PTPRD: variants seen among roughly 807,000 people sequenced by gnomAD.
PTPRD encodes protein tyrosine phosphatase receptor type D.
In PTPRD, 34 loss-of-function variants were observed where a neutral mutation model predicts 214.5. The observed-to-expected ratio is 0.16, with a 90% confidence interval of 0.12 to 0.21. The LOEUF is 0.21. PTPRD is among the 10% of genes least tolerant of loss of function. PTPRD has a pLI of 1.00. For synonymous variants in PTPRD, 1,128 were observed against 845.7 expected, an observed-to-expected ratio of 1.33 and a Z score of -5.79; for missense variants, 2,545 against 2,398.7, an observed-to-expected ratio of 1.06 and a Z score of -1.27.
chr9:9,493,482 T>G (rs1333579898), intron 8 of PTPRD, among the ~76,000 whole-genome samples: 4 of 152,136 alleles, frequency 2.6e-5, no homozygotes, highest in Non-Finnish European at 4.4e-5. Context: ...CTTTCCAGTT[T>G]TATTATTTAA....
At chr9:10,594,538 T>C (rs540593346) in intron 2 of PTPRD, among the ~76,000 whole-genome samples, 17 of 152,140 alleles carry the variant, frequency 1.1e-4, no homozygotes, top group African/African-American at 3.6e-4. Flanking sequence ...AAGGCAGATA[T>C]AGAAATGCCT....
At chr9:10,517,928 C>T (rs976404575) in intron 2 of PTPRD, among the ~76,000 whole-genome samples, 2 of 152,042 alleles carry the variant, frequency 1.3e-5, no homozygotes, top group African/African-American at 2.4e-5. Flanking sequence ...TCCACTGGTT[C>T]TAAGGTAGAG....
intron 9 of PTPRD, among the ~76,000 whole-genome samples, chr9:9,356,209 A>G (rs1393697703): frequency 6.6e-6 from 1 of 151,458 alleles, no homozygotes; most frequent in Non-Finnish European, 1.5e-5. Context: ...AATGGGGACA[A>G]GACAATTTTG....
intron 4 of PTPRD, among the ~76,000 whole-genome samples, chr9:9,982,194 C>T (rs1055378933): frequency 2.0e-5 from 3 of 152,260 alleles, no homozygotes; most frequent in Non-Finnish European, 2.9e-5. Flanking sequence ...AAACCTCTGG[C>T]TTCCTAACCT....
intron 12 of PTPRD, among the ~76,000 whole-genome samples, chr9:8,665,136 T>G (rs2097145621): frequency 6.6e-6 from 1 of 152,080 alleles, no homozygotes; most frequent in Non-Finnish European, 1.5e-5. Context: ...GGAGGGAGGG[T>G]GTGGTTCTTT....
chr9:9,466,659 T>G (rs543926230), intron 8 of PTPRD, among the ~76,000 whole-genome samples: 6 of 152,208 alleles, frequency 3.9e-5, no homozygotes, highest in Non-Finnish European at 8.8e-5. Flanking sequence ...TCTGTATGGA[T>G]AGACAACTTA....
intron 4 of PTPRD, among the ~76,000 whole-genome samples, chr9:9,945,037 T>G (rs2092349652): frequency 6.6e-6 from 1 of 152,076 alleles, no homozygotes; most frequent in African/African-American, 2.4e-5. Context: ...TGTCTGAAGG[T>G]AAAAAGAATT....
At chr9:9,302,522 T>C (rs1197904836) in intron 9 of PTPRD, among the ~76,000 whole-genome samples, 2 of 151,792 alleles carry the variant, frequency 1.3e-5, no homozygotes, top group Admixed American at 1.3e-4. Flanking sequence ...TATTTCCATG[T>C]TCCGCCTTCC....
chr9:10,509,102 G>C (rs1240570080), intron 2 of PTPRD, among the ~76,000 whole-genome samples: 1 of 151,818 alleles, frequency 6.6e-6, no homozygotes, highest in East Asian at 1.9e-4. Flanking sequence ...AAAATATTTA[G>C]GGGGATATAA....
intron 8 of PTPRD, among the ~76,000 whole-genome samples, chr9:9,456,478 C>T (rs947272969): frequency 4.0e-5 from 6 of 151,814 alleles, no homozygotes; most frequent in Non-Finnish European, 8.8e-5. Context: ...TTATTCATGG[C>T]TTCCCTGTTC....
chr9:8,640,565 A>AC (rs1564908201), intron 12 of PTPRD, among the ~76,000 whole-genome samples: 4 of 150,682 alleles, frequency 2.7e-5, no homozygotes, highest in African/African-American at 9.7e-5. Context: ...AAAAAACAAA[A>AC]AAAAAAAAAA....
At chr9:9,270,296 C>A (rs1234908898) in intron 9 of PTPRD, among the ~76,000 whole-genome samples, 1 of 151,246 alleles carries the variant, frequency 6.6e-6, no homozygotes, top group Non-Finnish European at 1.5e-5. Context: ...CAGAAATAAT[C>A]ACTGATGACA....
intron 11 of PTPRD, among the ~76,000 whole-genome samples, chr9:8,917,453 T>C (rs1304263324): frequency 1.3e-5 from 2 of 152,028 alleles, no homozygotes; most frequent in Non-Finnish European, 2.9e-5. Context: ...ACAGATTGTT[T>C]CTATTTTCCT....
In PTPRD at chr9:10,347,054, G is replaced by A. The variant is rs941067207; in HGVS notation, c.-599-6037C>T. Among the ~76,000 whole-genome samples the A allele has an allele frequency of 7.8e-4, 118 of 152,138 alleles. 2 individuals are homozygous for A. Among genetic ancestry groups the A allele is most frequent in the Admixed American group, 7.9e-4 (12 of 15,276 alleles). ...AAAAAAAATAAAAATTATCTTTTCTGTCCTTACTATAAGGCACACCTCCCC... is the reference window on the plus strand; with the variant it reads ...AAAAAAAATAAAAATTATCTTTTCTATCCTTACTATAAGGCACACCTCCCC... On this transcript the variant is annotated intron_variant, in intron 2 of 45. Transcript: ENST00000381196.
At chr9:8,948,369 G>A (rs1258681330) in intron 11 of PTPRD, among the ~76,000 whole-genome samples, 34 of 121,752 alleles carry the variant, frequency 2.8e-4, no homozygotes, top group Admixed American at 2.0e-3. Context: ...GTATTTATTG[G>A]TTGTTAGGTT....
intron 21 of PTPRD, among the ~76,000 whole-genome samples, chr9:8,516,633 T>C (rs1209985605): frequency 6.6e-6 from 1 of 152,002 alleles, no homozygotes; most frequent in Non-Finnish European, 1.5e-5. Flanking sequence ...GGATTAGCAA[T>C]GAGTTATGTC....
intron 3 of PTPRD, among the ~76,000 whole-genome samples, chr9:10,244,846 G>T (rs555195997): frequency 1.7e-4 from 26 of 152,178 alleles, no homozygotes; most frequent in Non-Finnish European, 3.4e-4. Context: ...TTTTCTAGCT[G>T]CTTCTATATT....
chr9:8,734,357 G>C (rs540790408), intron 11 of PTPRD, among the ~76,000 whole-genome samples: 2 of 152,196 alleles, frequency 1.3e-5, no homozygotes, highest in Non-Finnish European at 2.9e-5. Context: ...CCTCCATGCA[G>C]GATAAAAGTC....
intron 11 of PTPRD, among the ~76,000 whole-genome samples, chr9:8,910,665 A>G (rs920662280): frequency 5.3e-5 from 8 of 152,196 alleles, no homozygotes; most frequent in Non-Finnish European, 7.3e-5. Context: ...AATAAATTTC[A>G]TTTCTTATCA....
Sources: gnomAD v4.1 joint callset for allele counts (sites outside exome capture counted in the v4.1 genomes callset) on GRCh38, gnomAD v4.1.1 for gene constraint, MANE v1.5 for transcripts, NCBI Gene and HGNC (gene_info 2026-07-23, HGNC 2026-07-21) for gene names.